Variants in USP9X observed in about 807,000 individuals in gnomAD.
The protein encoded by USP9X is ubiquitin specific peptidase 9 X-linked, also known as ubiquitin carboxyl-terminal hydrolase 9X.
Under a neutral mutation model 190.3 loss-of-function variants are expected in USP9X, and 7 were observed. That is an observed-to-expected ratio of 0.04 (90% CI 0.02 to 0.07). USP9X has a LOEUF of 0.07. Among genes scored for constraint, USP9X ranks in the 10% least tolerant of loss-of-function variants. The pLI, the probability that USP9X is intolerant of heterozygous loss-of-function variation, is 1.00. For missense variants in USP9X, 1,010 were observed against 1,916.9 expected, an observed-to-expected ratio of 0.53 and a Z score of 8.83; for synonymous variants, 645 against 659.5, an observed-to-expected ratio of 0.98 and a Z score of 0.34.
chrX:41,214,358 G>A (rs1331482441), intron 33 of USP9X, among the ~76,000 whole-genome samples: 2 of 110,868 alleles, frequency 1.8e-5, no homozygotes, highest in East Asian at 5.6e-4. Flanking sequence ...TATGACTTAC[G>A]GGTTTCGCAT....
intron 1 of USP9X, among the ~76,000 whole-genome samples, chrX:41,109,778 G>GA (rs201809250): frequency 9.0e-6 from 1 of 110,674 alleles, no homozygotes; most frequent in Non-Finnish European, 1.9e-5. Flanking sequence ...GATGGGGGGG[G>GA]CAGGAAACCT....
intron 26 of USP9X, among the ~76,000 whole-genome samples, chrX:41,192,428 AT>A (rs770459782): frequency 9.5e-6 from 1 of 105,143 alleles, no homozygotes; most frequent in East Asian, 3.2e-4. Flanking sequence ...GATAAACGAT[AT>A]TTTTTTCTGC....
intron 14 of USP9X, among the ~76,000 whole-genome samples, chrX:41,160,901 C>T (rs943905404): frequency 9.0e-6 from 1 of 111,381 alleles, no homozygotes; most frequent in Non-Finnish European, 1.9e-5. Context: ...TTGATGAACT[C>T]GAATATGGAC....
At chrX:41,110,117 G>C (rs1217183776) in intron 1 of USP9X, among the ~76,000 whole-genome samples, 1 of 111,107 alleles carries the variant, frequency 9.0e-6, no homozygotes, top group South Asian at 3.8e-4. Context: ...CCCTCCCCCA[G>C]AGAAGGGGCC....
chrX:41,225,037 A>T lies in USP9X; in HGVS notation c.6973-12A>T, dbSNP rs2063300548. 8.3e-7 allele frequency: 1 copy of T among 1,210,550 alleles called. No homozygotes were observed. Among genetic ancestry groups the T allele is most frequent in the Non-Finnish European group, 1.1e-6 (1 of 894,581 alleles). ...TTCATTAAGTTACTCACCATGTCTT[A>T]CTTGTTTTTAGGTTGCATATTCCTA... On this transcript the variant is annotated splice_polypyrimidine_tract_variant and intron_variant, in intron 40 of 44. Transcript: ENST00000378308.
intron 18 of USP9X, among the ~76,000 whole-genome samples, chrX:41,169,739 A>G (rs2062708403): frequency 8.9e-6 from 1 of 112,124 alleles, no homozygotes; most frequent in African/African-American, 3.2e-5. Context: ...TATAGGCATG[A>G]GGCACCATGC....
At chrX:41,125,660 A>C (rs2062233692) in intron 2 of USP9X, among the ~76,000 whole-genome samples, 2 of 43,747 alleles carry the variant, frequency 4.6e-5, no homozygotes, top group South Asian at 1.2e-3. Context: ...ACACACACAC[A>C]CACACACACA....
At chrX:41,163,479 C>T (rs997769487) in intron 15 of USP9X, among the ~76,000 whole-genome samples, 5 of 111,127 alleles carry the variant, frequency 4.5e-5, no homozygotes, top group African/African-American at 9.8e-5. Context: ...TGGTCAGGCA[C>T]GGTGGCTCAC....
At chrX:41,214,806 A>T in intron 34 of USP9X, 97 bp downstream of exon 34, 1 of 898,636 alleles carries the variant, frequency 1.1e-6, no homozygotes, top group Non-Finnish European at 1.5e-6. Context: ...CCCTATTTTT[A>T]TTTTCTCCTA....
chrX:41,128,831 T>C (rs984749145), intron 2 of USP9X, among the ~76,000 whole-genome samples, 169 bp from the exon 3 acceptor site: 1 of 112,202 alleles, frequency 8.9e-6, no homozygotes, highest in Non-Finnish European at 1.9e-5. Context: ...TTTTTCTGAA[T>C]ATTTTCGATC....
chrX:41,125,482 A>C (rs1264614836), intron 2 of USP9X, among the ~76,000 whole-genome samples: 1 of 107,796 alleles, frequency 9.3e-6, no homozygotes, highest in African/African-American at 3.4e-5. Context: ...TTCAAATTTG[A>C]GGTAAAGTTG....
chrX:41,178,496 T>C (rs2062798830), intron 21 of USP9X, among the ~76,000 whole-genome samples: 1 of 111,518 alleles, frequency 9.0e-6, no homozygotes, highest in Admixed American at 9.6e-5. Context: ...TGAGTGTGCT[T>C]TCATGTACAT....
At chrX:41,090,824 A>G (rs2061950689) in intron 1 of USP9X, among the ~76,000 whole-genome samples, 1 of 111,642 alleles carries the variant, frequency 9.0e-6, no homozygotes, top group African/African-American at 3.3e-5. Context: ...TGAAAAGCTC[A>G]AACACTAGAA....
chrX:41,213,272 G>A (rs963441896), intron 33 of USP9X, among the ~76,000 whole-genome samples: 1 of 111,136 alleles, frequency 9.0e-6, no homozygotes, highest in African/African-American at 3.3e-5. Flanking sequence ...ATTCCAGCCT[G>A]GGTGACAGAG....
At chrX:41,161,233 G>A (rs185975731) in intron 14 of USP9X, among the ~76,000 whole-genome samples, 55 of 108,691 alleles carry the variant, frequency 5.1e-4, no homozygotes, top group African/African-American at 1.7e-3. Context: ...ACACGTGTAT[G>A]TGTGTATTTT....
At chrX:41,179,611 A>G (rs1217673622) in intron 21 of USP9X, among the ~76,000 whole-genome samples, 1 of 112,193 alleles carries the variant, frequency 8.9e-6, no homozygotes, top group Non-Finnish European at 1.9e-5. Flanking sequence ...GCAGTTAACT[A>G]ACACAGGTTC....
At chrX:41,168,391 G>C (rs1356009466) in intron 18 of USP9X, 173 bp downstream of exon 18, 3 of 406,578 alleles carry the variant, frequency 7.4e-6, no homozygotes, top group Non-Finnish European at 1.2e-5. Flanking sequence ...TCTCCCATCT[G>C]GTTTTGTTTT....
At chrX:41,176,774 C>T (rs376499868) in intron 21 of USP9X, among the ~76,000 whole-genome samples, 3 of 112,261 alleles carry the variant, frequency 2.7e-5, no homozygotes, top group African/African-American at 9.7e-5. Context: ...AACAAACTCA[C>T]CTTCTGCATT....
chrX:41,099,064 C>A (rs1001373299), intron 1 of USP9X, among the ~76,000 whole-genome samples: 23 of 102,277 alleles, frequency 2.2e-4, no homozygotes, highest in African/African-American at 2.9e-4. Context: ...GTAGCTGGGA[C>A]CACGACCACA....
Sources: gnomAD v4.1 joint callset for allele counts (sites outside exome capture counted in the v4.1 genomes callset) on GRCh38, gnomAD v4.1.1 for gene constraint, MANE v1.5 for transcripts, NCBI Gene and HGNC (gene_info 2026-07-23, HGNC 2026-07-21) for gene names.